The following RALGPS2 variants were observed in gnomAD, a reference collection of about 807,000 sequenced individuals.
RALGPS2 encodes ras-specific guanine nucleotide-releasing factor RalGPS2.
In RALGPS2, 43 loss-of-function variants were observed where a neutral mutation model predicts 86.8. The ratio of observed to expected loss-of-function variants is 0.50; its 90% CI spans 0.39 to 0.64. The LOEUF (loss-of-function observed/expected upper bound fraction) is 0.64. RALGPS2 is among the 30% of genes least tolerant of loss of function. The pLI is 0.00. For synonymous variants in RALGPS2, 243 were observed against 231.3 expected (o/e 1.05, Z -0.46); for missense variants, 536 against 694.6 (o/e 0.77, Z 2.57).
intron 1 of RALGPS2, among the ~76,000 whole-genome samples, chr1:178,765,339 G>A (rs765121069): frequency 6.6e-6 from 1 of 152,040 alleles, no homozygotes; most frequent in Non-Finnish European, 1.5e-5. Flanking sequence ...AAAGCTGGGT[G>A]TCCAGGGGAG....
chr1:178,843,907 C>T (rs1249477167), intron 8 of RALGPS2, among the ~76,000 whole-genome samples: 1 of 152,080 alleles, frequency 6.6e-6, no homozygotes, highest in Non-Finnish European at 1.5e-5. Flanking sequence ...AGTTCGTTTC[C>T]AGTATGAAAA....
intron 4 of RALGPS2, among the ~76,000 whole-genome samples, chr1:178,799,468 T>C (rs1428630902): frequency 6.6e-6 from 1 of 152,160 alleles, no homozygotes; most frequent in African/African-American, 2.4e-5. Context: ...TACTGTTTTG[T>C]GCAATTGCGG....
intron 4 of RALGPS2, among the ~76,000 whole-genome samples, chr1:178,786,766 CA>C (rs1653672013): frequency 6.6e-6 from 1 of 151,806 alleles, no homozygotes; most frequent in Admixed American, 6.6e-5. Context: ...CTTTCGGGAA[CA>C]AAATATAGTG....
intron 1 of RALGPS2, among the ~76,000 whole-genome samples, chr1:178,751,281 A>T (rs1201319199): frequency 2.6e-5 from 4 of 152,002 alleles, no homozygotes; most frequent in Non-Finnish European, 4.4e-5. Flanking sequence ...TCCCTTCCAT[A>T]TGCCCATTTT....
intron 1 of RALGPS2, among the ~76,000 whole-genome samples, chr1:178,761,925 AG>A (rs1428079413): frequency 6.6e-6 from 1 of 151,826 alleles, no homozygotes; most frequent in Non-Finnish European, 1.5e-5. Context: ...TTGTGTTTTG[AG>A]GGGTTTGATG....
intron 10 of RALGPS2, among the ~76,000 whole-genome samples, chr1:178,881,924 C>T (rs1042346574): frequency 2.0e-5 from 3 of 152,110 alleles, no homozygotes; most frequent in African/African-American, 7.2e-5. Context: ...TGGCATGTCA[C>T]TTACAAAAGG....
At chr1:178,835,092 T>C (rs1205706457) in intron 8 of RALGPS2, among the ~76,000 whole-genome samples, 1 of 152,232 alleles carries the variant, frequency 6.6e-6, no homozygotes, top group Non-Finnish European at 1.5e-5. Flanking sequence ...GCTCTGTGTT[T>C]TACCATAGCC....
In RALGPS2 at chr1:178,791,737, A is replaced by G. The variant is rs112370878; in HGVS notation, c.213+6130A>G. ...TGCATTTTCAACTCTCGTATGTCAA[A>G]CAGAATTTAGCTAAACGTGTTCTAC... On this transcript the variant is annotated intron_variant, in intron 4 of 19. Transcript: ENST00000367635. 5.0e-3 allele frequency among the ~76,000 whole-genome samples: 757 copies of G among 152,296 alleles called. 7 individuals are homozygous for G. Among genetic ancestry groups the G allele is most frequent in the African/African-American group, 0.016 (683 of 41,562 alleles).
At position 178,883,552 on chromosome 1, in the gene RALGPS2, CTT is replaced by C. The variant is rs113440975; in HGVS notation, c.904+20_904+21del. Reference sequence around the variant, plus strand: ...TTAGTAGGTCAGTACGTAGTTTTCTCTTGTTACCAAATCTAAATCAGATAACC... The same window carrying C: ...TTAGTAGGTCAGTACGTAGTTTTCTCGTTACCAAATCTAAATCAGATAACC... On this transcript the variant is annotated intron_variant, in intron 11 of 19. Transcript: ENST00000367635. The C allele has an allele frequency of 2.6e-4, 417 of 1,581,350 alleles. 1 individual carries two copies. The African/African-American group carries it at 4.5e-3, about 17-fold the overall frequency.
At position 178,917,004 on chromosome 1, in the gene RALGPS2, G is replaced by T. The variant is rs1660838587; in HGVS notation, c.*645G>T. 1 of 152,082 alleles carries T rather than the reference G, an allele frequency of 6.6e-6. No homozygotes were observed. The highest frequency in any genetic ancestry group is 1.5e-5 in the Non-Finnish European group (1 of 68,044). 9.4% of individuals were successfully genotyped at this position (152,082 alleles called of 1,614,324 possible). A position where few individuals can be genotyped will look rare whatever the true frequency, so the allele number is the denominator to read the frequency against. ...GTGTTTGTTTTGTTTTGGATGAGGGGAGAATTTTTTTAAACACTAAACTTC... is the reference window on the plus strand; with the variant it reads ...GTGTTTGTTTTGTTTTGGATGAGGGTAGAATTTTTTTAAACACTAAACTTC... On this transcript the variant is annotated 3_prime_UTR_variant, in exon 20 of 20. Coordinates refer to ENST00000367635, the MANE Select transcript of RALGPS2 (RefSeq NM_152663.5).
intron 2 of RALGPS2, among the ~76,000 whole-genome samples, chr1:178,783,066 A>G (rs978820733): frequency 1.1e-4 from 16 of 152,212 alleles, no homozygotes; most frequent in African/African-American, 3.9e-4. Context: ...GGGAGTTAAA[A>G]TTAACTGTCA....
chr1:178,792,143 G>T (rs149276031), intron 4 of RALGPS2, among the ~76,000 whole-genome samples: 1 of 152,072 alleles, frequency 6.6e-6, no homozygotes, highest in Non-Finnish European at 1.5e-5. Context: ...TTATTTTCTA[G>T]TTTTTTGTGT....
At chr1:178,883,290 T>G (rs1445666331) in intron 10 of RALGPS2, among the ~76,000 whole-genome samples, 176 bp from the exon 11 acceptor site, 1 of 151,990 alleles carries the variant, frequency 6.6e-6, no homozygotes, top group Non-Finnish European at 1.5e-5. Context: ...AGTTTGAGGC[T>G]TAAGTGAGAT....
intron 1 of RALGPS2, among the ~76,000 whole-genome samples, chr1:178,738,203 C>CTTTTTTT (rs1051296802): frequency 9.9e-5 from 11 of 110,718 alleles, no homozygotes; most frequent in African/African-American, 1.5e-4. Context: ...AGATGGATAT[C>CTTTTTTT]TTTTTTTTTT....
chr1:178,904,528 T>A (rs1387880449), intron 18 of RALGPS2, among the ~76,000 whole-genome samples: 2 of 152,228 alleles, frequency 1.3e-5, no homozygotes, highest in Non-Finnish European at 1.5e-5. Flanking sequence ...GATTTTTGTA[T>A]AAGGTGAGAG....
chr1:178,848,578 A>G (rs1362892322), intron 8 of RALGPS2, among the ~76,000 whole-genome samples: 1 of 152,180 alleles, frequency 6.6e-6, no homozygotes, highest in Admixed American at 6.6e-5. Context: ...ACTGCCTACT[A>G]TAACAGCTGT....
intron 18 of RALGPS2, among the ~76,000 whole-genome samples, chr1:178,904,908 G>A (rs571065851): frequency 2.0e-5 from 3 of 152,072 alleles, no homozygotes; most frequent in Non-Finnish European, 2.9e-5. Flanking sequence ...TTTTGATGGC[G>A]ATTGCATTGA....
chr1:178,807,962 T>C, intron 4 of RALGPS2, 83 bp from the exon 5 acceptor site: 1 of 829,432 alleles, frequency 1.2e-6, no homozygotes, highest in South Asian at 1.5e-5. Context: ...GAACACAAAC[T>C]GTCTTTAATG....
At chr1:178,801,894 T>C (rs985680575) in intron 4 of RALGPS2, among the ~76,000 whole-genome samples, 10 of 152,154 alleles carry the variant, frequency 6.6e-5, no homozygotes, top group African/African-American at 2.4e-4. Context: ...TTTGAAGCCC[T>C]CCATTCTAAA....
Sources: allele counts gnomAD v4.1 joint callset (sites outside exome capture counted in the v4.1 genomes callset), GRCh38; gene constraint gnomAD v4.1.1; transcripts MANE v1.5; gene names NCBI Gene and HGNC (gene_info 2026-07-23, HGNC 2026-07-21).